The following TPRG1 variants were observed in gnomAD, a reference collection of about 807,000 sequenced individuals.
TPRG1 encodes the protein tumor protein p63 regulated 1, also known as tumor protein p63-regulated gene 1 protein.
In TPRG1, 29 loss-of-function variants were observed where a neutral mutation model predicts 29.3. The ratio of observed to expected loss-of-function variants is 0.99; its 90% CI spans 0.74 to 1.35. TPRG1 has a LOEUF of 1.35. TPRG1 is among the 40% of genes most tolerant of loss of function. The pLI is 0.00. For missense variants in TPRG1, 327 were observed against 335.0 expected (o/e 0.98, Z 0.19); for synonymous variants, 130 against 116.8 (o/e 1.11, Z -0.73).
At position 189,207,569 on chromosome 3, in the gene TPRG1, T is replaced by G; in HGVS notation, c.185T>G (p.Ile62Ser). The change falls in exon 2 of 6, where the codon ATC becomes AGC. Residue 62 changes from isoleucine to serine, a missense_variant. By Grantham distance (142) the Ile-to-Ser change is moderately radical. Coordinates refer to ENST00000345063, the MANE Select transcript of TPRG1 (RefSeq NM_198485.4). The stretch of plus-strand genomic sequence containing the variant: ...CCCAATCCTTATCATCAGCCTTATA[T>G]CTCACGGAAGTACTTTGCTACACGG... ...LYPNPYHQPYISRKYFATRPG... is the reference protein window; with the variant it reads ...LYPNPYHQPYSSRKYFATRPG... 6.2e-7 allele frequency: 1 copy of G among 1,612,086 alleles called. No individual in the cohort carries two copies. The highest frequency in any genetic ancestry group is 1.1e-5 in the South Asian group (1 of 91,088).
chr3:189,056,484 C>T (rs542628358), intron 4 of TPRG1, among the ~76,000 whole-genome samples: 1 of 152,138 alleles, frequency 6.6e-6, no homozygotes, highest in Non-Finnish European at 1.5e-5. Flanking sequence ...ATAAATAGGC[C>T]TCAATAAATG....
intron 4 of TPRG1, among the ~76,000 whole-genome samples, chr3:189,026,779 G>C (rs1713684095): frequency 6.6e-6 from 1 of 152,136 alleles, no homozygotes; most frequent in African/African-American, 2.4e-5. Flanking sequence ...GAATAACATG[G>C]AACGAAGCTG....
At chr3:189,145,600 G>A (rs1222867299) in intron 3 of TPRG1, among the ~76,000 whole-genome samples, 1 of 152,100 alleles carries the variant, frequency 6.6e-6, no homozygotes, top group South Asian at 2.1e-4. Flanking sequence ...CAGATCAGAT[G>A]AGAATTGAAA....
chr3:189,200,318 T>C (rs1051259109), intron 1 of TPRG1, among the ~76,000 whole-genome samples: 3 of 152,342 alleles, frequency 2.0e-5, no homozygotes, highest in African/African-American at 7.2e-5. Flanking sequence ...AGCAGGCTTG[T>C]TGGAGAGTTA....
At chr3:189,063,283 G>T (rs948648539) in intron 4 of TPRG1, among the ~76,000 whole-genome samples, 1 of 152,046 alleles carries the variant, frequency 6.6e-6, no homozygotes, top group Admixed American at 6.6e-5. Context: ...TTTGCAAGGA[G>T]AAATAGGTAA....
intron 3 of TPRG1, among the ~76,000 whole-genome samples, chr3:189,136,208 C>A (rs1454371456): frequency 6.6e-6 from 1 of 152,234 alleles, no homozygotes; most frequent in Non-Finnish European, 1.5e-5. Flanking sequence ...AGCCTCTTCA[C>A]TTCCACCATG....
At chr3:189,087,371 A>G (rs1718021107) in intron 4 of TPRG1, among the ~76,000 whole-genome samples, 1 of 151,940 alleles carries the variant, frequency 6.6e-6, no homozygotes, top group Non-Finnish European at 1.5e-5. Flanking sequence ...TTTTCTTGTA[A>G]ATTTGTTTGA....
In TPRG1 at chr3:189,290,990, C is replaced by T. The variant is rs529996173; in HGVS notation, c.480-19396C>T. Among the ~76,000 whole-genome samples, 9 of 152,276 alleles carry T rather than the reference C, an allele frequency of 5.9e-5. No individual in the cohort carries two copies. In the East Asian group the frequency reaches 1.7e-3, roughly 29 times the overall value. Reference sequence around the variant, plus strand: ...CGATCTCCACTCACTGCAAGCTCCGCCTCCGGGTTCACGCCATTCTCCTGC... The same window carrying T: ...CGATCTCCACTCACTGCAAGCTCCGTCTCCGGGTTCACGCCATTCTCCTGC... On this transcript the variant is annotated intron_variant, in intron 4 of 5. Coordinates refer to ENST00000345063, the MANE Select transcript of TPRG1 (RefSeq NM_198485.4).
intron 4 of TPRG1, among the ~76,000 whole-genome samples, chr3:189,080,673 T>G (rs747771099): frequency 6.6e-6 from 1 of 151,894 alleles, no homozygotes; most frequent in African/African-American, 2.4e-5. Context: ...AACTTGGAGG[T>G]GCAAGAATGA....
At chr3:189,030,696 G>A (rs1713884293) in intron 4 of TPRG1, among the ~76,000 whole-genome samples, 1 of 152,156 alleles carries the variant, frequency 6.6e-6, no homozygotes, top group Non-Finnish European at 1.5e-5. Context: ...CCTACCCTGA[G>A]GAGTGGAGTG....
At chr3:189,293,898 C>A (rs1719435942) in intron 4 of TPRG1, among the ~76,000 whole-genome samples, 1 of 152,150 alleles carries the variant, frequency 6.6e-6, no homozygotes, top group African/African-American at 2.4e-5. Flanking sequence ...ATATCTCTTC[C>A]CTTATTAAAA....
intron 4 of TPRG1, among the ~76,000 whole-genome samples, chr3:189,028,299 G>A (rs943452653): frequency 6.6e-6 from 1 of 152,184 alleles, no homozygotes; most frequent in Non-Finnish European, 1.5e-5. Flanking sequence ...TGAGGGAGAC[G>A]CTTGGGCATT....
At chr3:189,132,563 C>CA (rs1226492650) in exon 3 of TPRG1, 7 of 152,150 alleles carry the variant, frequency 4.6e-5, no homozygotes, top group Non-Finnish European at 1.0e-4. Context: ...AGCCCGACCG[C>CA]AAAAACAAGC....
intron 3 of TPRG1, among the ~76,000 whole-genome samples, chr3:189,226,809 A>G (rs978063426): frequency 1.3e-5 from 2 of 148,944 alleles, no homozygotes; most frequent in African/African-American, 2.4e-5. Flanking sequence ...AAAAAAAAAA[A>G]AAAGAAAAAG....
intron 1 of TPRG1, among the ~76,000 whole-genome samples, chr3:189,178,834 A>G (rs2108686750): frequency 6.6e-6 from 1 of 152,358 alleles, no homozygotes; most frequent in East Asian, 1.9e-4. Context: ...AGGACATTTT[A>G]TAAATCTCAG....
upstream of TPRG1, among the ~76,000 whole-genome samples, chr3:189,169,452 A>T (rs906920682): frequency 6.6e-6 from 1 of 152,240 alleles, no homozygotes; most frequent in African/African-American, 2.4e-5. Context: ...GGCATGAGCC[A>T]CCAGGCCCGG....
At chr3:189,156,967 C>G (rs1007772881) in intron 5 of TPRG1, among the ~76,000 whole-genome samples, 2 of 152,162 alleles carry the variant, frequency 1.3e-5, no homozygotes, top group African/African-American at 4.8e-5. Context: ...GACCATAGTG[C>G]TGCTTTGGTT....
intron 3 of TPRG1, among the ~76,000 whole-genome samples, chr3:189,133,294 G>C (rs551877745): frequency 6.6e-6 from 1 of 152,154 alleles, no homozygotes; most frequent in Non-Finnish European, 1.5e-5. Flanking sequence ...GTAACGTTAT[G>C]GGAAGATAAT....
intron 3 of TPRG1, chr3:189,218,057 T>C (rs530379568): frequency 1.0e-6 from 1 of 984,670 alleles, no homozygotes; most frequent in African/African-American, 1.7e-5. Flanking sequence ...TTAGTTCTTA[T>C]GAATTATAGG....
Sources: gnomAD v4.1 joint callset for allele counts (sites outside exome capture counted in the v4.1 genomes callset) on GRCh38, gnomAD v4.1.1 for gene constraint, MANE v1.5 for transcripts, NCBI Gene and HGNC (gene_info 2026-07-23, HGNC 2026-07-21) for gene names.